The following DLGAP4 variants were observed in gnomAD, a reference collection of about 807,000 sequenced individuals.
DLGAP4 encodes DLG associated protein 4.
In DLGAP4, 18 loss-of-function variants were observed where a neutral mutation model predicts 86.9. The ratio of observed to expected loss-of-function variants is 0.21; its 90% CI spans 0.14 to 0.31. The LOEUF is 0.31. Ranked by LOEUF, DLGAP4 falls within the 10% of genes least tolerant of loss-of-function variation. The probability of loss-of-function intolerance (pLI) is 1.00; values close to 1 mark genes in which losing one functional copy is unlikely to be tolerated. For synonymous variants in DLGAP4, 548 were observed against 574.3 expected, an observed-to-expected ratio of 0.95 and a Z score of 0.65; for missense variants, 1,085 against 1,362.6, an observed-to-expected ratio of 0.80 and a Z score of 3.21.
At chr20:36,384,295 G>T (rs926816844) in intron 2 of DLGAP4, among the ~76,000 whole-genome samples, 1 of 152,118 alleles carries the variant, frequency 6.6e-6, no homozygotes, top group African/African-American at 2.4e-5. Context: ...GAGTTTTCAT[G>T]AATCATTTCC....
chr20:36,449,873 A>C (rs1473942734), intron 7 of DLGAP4, among the ~76,000 whole-genome samples: 2 of 152,176 alleles, frequency 1.3e-5, no homozygotes, highest in Non-Finnish European at 2.9e-5. Flanking sequence ...ACAACAATTC[A>C]CATTTATTTC....
chr20:36,501,865 C>T (rs901609443), intron 10 of DLGAP4, among the ~76,000 whole-genome samples: 3 of 152,136 alleles, frequency 2.0e-5, no homozygotes, highest in Non-Finnish European at 4.4e-5. Context: ...AGGAAAGTAC[C>T]TAGTAACTTT....
At chr20:36,349,333 G>A (rs571784876) in intron 1 of DLGAP4, among the ~76,000 whole-genome samples, 2 of 150,680 alleles carry the variant, frequency 1.3e-5, no homozygotes, top group South Asian at 4.2e-4. Flanking sequence ...CAGGAGAATG[G>A]CATGAACCCG....
At chr20:36,410,033 CA>C (rs11475768) in intron 2 of DLGAP4, among the ~76,000 whole-genome samples, 13,109 of 94,716 alleles carry the variant, frequency 0.14, 660 homozygotes, top group South Asian at 0.29. Context: ...GACTCCGTCT[CA>C]AAAAAAAAAA....
intron 2 of DLGAP4, among the ~76,000 whole-genome samples, chr20:36,397,398 C>T (rs138660112): frequency 1.4e-3 from 219 of 152,324 alleles, no homozygotes; most frequent in African/African-American, 4.7e-3. Context: ...TTCCGTGTCA[C>T]GCCCTGGCCA....
chr20:36,446,394 T>C (rs1353307930), intron 6 of DLGAP4, among the ~76,000 whole-genome samples: 1 of 152,182 alleles, frequency 6.6e-6, no homozygotes, highest in East Asian at 1.9e-4. Flanking sequence ...CACACTAAAT[T>C]CAGATGTGAC....
chr20:36,381,502 A>G (rs1449100424), intron 2 of DLGAP4, among the ~76,000 whole-genome samples: 1 of 152,236 alleles, frequency 6.6e-6, no homozygotes, highest in Admixed American at 6.5e-5. Flanking sequence ...TGGGTGACAC[A>G]TCATGCCTCC....
Position 36,525,698 on chromosome 20 carries a change from GATTCATTC to G in DLGAP4, c.2605-150_2605-143del. On this transcript the variant is annotated intron_variant, in intron 11 of 12. Coordinates refer to ENST00000339266, the MANE Select transcript of DLGAP4 (RefSeq NM_001365621.2). ...GCTGGTGCTGACCAGAACTGGCTTAGATTCATTCATACAGATACTTACCCAGACACTAG... is the reference window on the plus strand; with the variant it reads ...GCTGGTGCTGACCAGAACTGGCTTAGATACAGATACTTACCCAGACACTAG... 2.9e-6 allele frequency: 3 copies of G among 1,020,490 alleles called. No homozygotes were observed. In the South Asian group the frequency reaches 4.7e-5, roughly 16 times the overall value. 63.2% of individuals were successfully genotyped at this position (1,020,490 alleles called of 1,614,324 possible).
At chr20:36,310,102 G>A (rs1358584855) in intron 1 of DLGAP4, among the ~76,000 whole-genome samples, 2 of 151,924 alleles carry the variant, frequency 1.3e-5, no homozygotes, top group African/African-American at 2.4e-5. Flanking sequence ...GGGAGGCCAA[G>A]GTGGGAGGAT....
At chr20:36,339,279 G>T (rs1404256673) in intron 1 of DLGAP4, among the ~76,000 whole-genome samples, 1 of 152,122 alleles carries the variant, frequency 6.6e-6, no homozygotes, top group East Asian at 1.9e-4. Context: ...GTAGAGACGG[G>T]GTTTCACCAT....
rs747235286 is a variant in DLGAP4 at position 36,516,668 on chromosome 20, GAAAAAAAAAA to G, written c.2513-7568_2513-7559del. Reference sequence around the variant, plus strand: ...GCAACAGAGCTAGACTCCGTCTCAGGAAAAAAAAAAAAAAAAAAAAAAATTGACAGTACTT... The same window carrying G: ...GCAACAGAGCTAGACTCCGTCTCAGGAAAAAAAAAAAAATTGACAGTACTT... On this transcript the variant is annotated intron_variant, in intron 10 of 12. Transcript: ENST00000339266. Among the ~76,000 whole-genome samples, 24 of 77,080 alleles carry G rather than the reference GAAAAAAAAAA, an allele frequency of 3.1e-4. No individual in the cohort carries two copies. The Admixed American group carries it at 3.2e-3, about 10-fold the overall frequency. 50.6% of individuals were successfully genotyped at this position (77,080 alleles called of 152,430 possible).
chr20:36,442,262 C>T (rs560941176), intron 5 of DLGAP4, among the ~76,000 whole-genome samples: 4 of 152,250 alleles, frequency 2.6e-5, no homozygotes, highest in African/African-American at 9.6e-5. Context: ...TGGCGCGATC[C>T]CAGCTCACTG....
At chr20:36,513,554 CAAAAAA>C (rs562398294) in intron 10 of DLGAP4, among the ~76,000 whole-genome samples, 1,635 of 40,402 alleles carry the variant, frequency 0.04, 28 homozygotes, top group African/African-American at 0.14. Flanking sequence ...GACTCCGTCT[CAAAAAA>C]AAAAAAAAAA....
At chr20:36,391,295 TC>T (rs1176242835) in intron 2 of DLGAP4, among the ~76,000 whole-genome samples, 1 of 152,144 alleles carries the variant, frequency 6.6e-6, no homozygotes, top group Admixed American at 6.5e-5. Context: ...CTGAAAGCTC[TC>T]CCGCCCCTTC....
chr20:36,500,312 C>T lies in DLGAP4; in HGVS notation c.2213C>T (p.Pro738Leu), dbSNP rs967976467. The T allele has an allele frequency of 1.2e-6, 2 of 1,614,030 alleles. No homozygotes were observed. Among genetic ancestry groups the T allele is most frequent in the African/African-American group, 1.3e-5 (1 of 75,082 alleles). Reference protein sequence around the residue: ...SSERSLPDCTPHPNSISIDAG... With the variant: ...SSERSLPDCTLHPNSISIDAG... The stretch of plus-strand genomic sequence containing the variant: ...GAGAGGAGCCTCCCGGACTGTACCC[C>T]TCACCCCAACTCCATCAGCATCGAT... Residue 738 changes from proline to leucine, a missense_variant, in exon 10 of 13, where the codon CCT (proline) becomes CTT (leucine). Coordinates refer to ENST00000339266, the MANE Select transcript of DLGAP4 (RefSeq NM_001365621.2). The surrounding 1 kb of genome is among the most constrained non-coding windows in gnomAD (Gnocchi z 4.6).
chr20:36,479,485 A>T (rs1389403733), intron 7 of DLGAP4, among the ~76,000 whole-genome samples: 1 of 152,180 alleles, frequency 6.6e-6, no homozygotes, highest in Admixed American at 6.5e-5. Flanking sequence ...TGTGGTGGGC[A>T]AGGGCCTGTG....
intron 1 of DLGAP4, among the ~76,000 whole-genome samples, chr20:36,334,866 T>C (rs1453420037): frequency 2.6e-5 from 4 of 152,072 alleles, no homozygotes; most frequent in African/African-American, 4.8e-5. Flanking sequence ...CCTCTCAGCC[T>C]GTATCTGGGA....
intron 2 of DLGAP4, among the ~76,000 whole-genome samples, chr20:36,417,093 T>G (rs912204699): frequency 6.6e-6 from 1 of 152,108 alleles, no homozygotes; most frequent in Non-Finnish European, 1.5e-5. Flanking sequence ...GAGACCCTGG[T>G]CAGGTTTGGA....
intron 7 of DLGAP4, chr20:36,493,038 C>G (rs562232492): frequency 6.6e-6 from 1 of 152,108 alleles, no homozygotes; most frequent in Non-Finnish European, 1.5e-5. Flanking sequence ...CTCGCCCCCC[C>G]ATCCCCACCC....
Sources: gnomAD v4.1 joint callset for allele counts (sites outside exome capture counted in the v4.1 genomes callset) on GRCh38, gnomAD v4.1.1 for gene constraint, Gnocchi (gnomAD v3.1) non-coding constraint, MANE v1.5 for transcripts, NCBI Gene and HGNC (gene_info 2026-07-23, HGNC 2026-07-21) for gene names.